Variants in SGPL1 observed in about 807,000 individuals in gnomAD.
SGPL1 encodes the protein SP-lyase 1.
Under a neutral mutation model 68.9 loss-of-function variants are expected in SGPL1, and 37 were observed. That is an observed-to-expected ratio of 0.54 (90% CI 0.41 to 0.71). The LOEUF is 0.71. Ranked by LOEUF, SGPL1 falls within the 30% of genes least tolerant of loss-of-function variation. SGPL1 has a pLI of 0.00. For missense variants in SGPL1, 551 were observed against 704.6 expected (o/e 0.78, Z 2.47); for synonymous variants, 236 against 248.5 (o/e 0.95, Z 0.47).
chr10:70,859,190 A>G (rs1402008178), intron 6 of SGPL1, among the ~76,000 whole-genome samples, 181 bp from the exon 7 acceptor site: 1 of 152,158 alleles, frequency 6.6e-6, no homozygotes, highest in Non-Finnish European at 1.5e-5. Flanking sequence ...TTGTAAAATT[A>G]TTTATTTACA....
At chr10:70,830,893 C>T (rs1018482326) in intron 2 of SGPL1, among the ~76,000 whole-genome samples, 6 of 151,992 alleles carry the variant, frequency 3.9e-5, no homozygotes, top group African/African-American at 1.5e-4. Flanking sequence ...TTATTTTACT[C>T]CAAAAGAGGA....
rs1320747243 is a variant in SGPL1 at position 70,881,110 on chromosome 10, C to T, written c.*3775C>T. On this transcript the variant is annotated 3_prime_UTR_variant, in exon 15 of 15. Transcript: ENST00000373202. ...CCTCTGTCTTGTAATCTTTTCTCTT[C>T]TTAATATCCTTCCCTATAATTTCAA... 6.6e-6 allele frequency: 1 copy of T among 151,926 alleles called. No individual in the cohort carries two copies. The highest frequency in any genetic ancestry group is 2.4e-5 in the African/African-American group (1 of 41,346). The allele number at this position is 151,926 out of a possible 1,614,324, so 9.4% of individuals were successfully genotyped here. A position where few individuals can be genotyped will look rare whatever the true frequency, so the allele number is the denominator to read the frequency against.
intron 7 of SGPL1, among the ~76,000 whole-genome samples, chr10:70,864,679 G>C (rs779093905): frequency 4.6e-5 from 7 of 151,962 alleles, no homozygotes; most frequent in African/African-American, 7.3e-5. Context: ...TTTTTATTTT[G>C]CATGCTACAT....
At position 70,844,444 on chromosome 10, in the gene SGPL1, A is replaced by G. The variant is rs376921999; in HGVS notation, c.28-29A>G. 4 of 1,597,868 alleles carry G rather than the reference A, an allele frequency of 2.5e-6. No homozygotes were observed. In the African/African-American group the frequency reaches 4.0e-5, roughly 16 times the overall value. On this transcript the variant is annotated intron_variant, in intron 2 of 14. Transcript: ENST00000373202. ...GACTTCTTTTCTCTCTCTAAATGTA[A>G]TGTTTTTATTTTTCACTTGTATTTC...
chr10:70,836,114 T>A (rs1845624450), intron 2 of SGPL1, among the ~76,000 whole-genome samples: 1 of 152,242 alleles, frequency 6.6e-6, no homozygotes, highest in Admixed American at 6.5e-5. Flanking sequence ...GGAATCTGTG[T>A]GCCTGTGGCA....
At chr10:70,816,736 G>C (rs575684332) in intron 1 of SGPL1, 75 bp from the exon 2 acceptor site, 1 of 1,005,728 alleles carries the variant, frequency 9.9e-7, no homozygotes, top group African/African-American at 1.6e-5. Flanking sequence ...TAACTTGGCT[G>C]CTCTGGCGAA....
intron 2 of SGPL1, among the ~76,000 whole-genome samples, chr10:70,840,967 G>T (rs1302480223): frequency 6.6e-6 from 1 of 152,100 alleles, no homozygotes; most frequent in East Asian, 1.9e-4. Context: ...GGGTGAATTA[G>T]GAATTAGTAT....
At position 70,879,179 on chromosome 10, in the gene SGPL1, C is replaced by T. The variant is rs937654095; in HGVS notation, c.*1844C>T. ...CTTTCCTCTGTTCCATTCCCCATCT[C>T]AGGGACTCCTGAATATTCAGCCTCT... On this transcript the variant is annotated 3_prime_UTR_variant, in exon 15 of 15. Coordinates refer to ENST00000373202, the MANE Select transcript of SGPL1 (RefSeq NM_003901.4). 3 of 152,742 alleles carry T rather than the reference C, an allele frequency of 2.0e-5. No homozygotes were observed. The highest frequency in any genetic ancestry group is 4.4e-5 in the Non-Finnish European group (3 of 68,092). 9.5% of individuals were successfully genotyped at this position (152,742 alleles called of 1,614,324 possible).
chr10:70,832,380 C>G (rs1391975378), intron 2 of SGPL1, among the ~76,000 whole-genome samples: 3 of 152,136 alleles, frequency 2.0e-5, no homozygotes, highest in African/African-American at 7.2e-5. Context: ...TTCCTCATCT[C>G]TAATAGCAGC....
At chr10:70,857,094 G>C (rs1030481914) in intron 5 of SGPL1, 1 of 156,096 alleles carries the variant, frequency 6.4e-6, no homozygotes, top group Non-Finnish European at 1.4e-5. Context: ...GGGTGCTCAT[G>C]GTTTATACCT....
intron 7 of SGPL1, chr10:70,860,266 T>C: frequency 9.9e-6 from 4 of 403,082 alleles, no homozygotes; most frequent in South Asian, 7.8e-5. Flanking sequence ...TATGCTGCAA[T>C]GGTGTCCTAG....
At chr10:70,870,152 TTTTC>T in intron 9 of SGPL1, 1 of 334,052 alleles carries the variant, frequency 3.0e-6, no homozygotes, top group South Asian at 6.2e-5. Context: ...CGCCATCACT[TTTTC>T]TTTCTTTTCT....
At chr10:70,845,461 T>C (rs1215398608) in intron 3 of SGPL1, among the ~76,000 whole-genome samples, 6 of 152,100 alleles carry the variant, frequency 3.9e-5, no homozygotes, top group African/African-American at 1.2e-4. Context: ...GTTGAACTGG[T>C]ATCAGGGGAT....
chr10:70,851,986 T>C (rs1405350844), intron 4 of SGPL1, among the ~76,000 whole-genome samples: 1 of 152,200 alleles, frequency 6.6e-6, no homozygotes, highest in Non-Finnish European at 1.5e-5. Flanking sequence ...CCCTCATCCA[T>C]GTTGAGGATA....
intron 2 of SGPL1, among the ~76,000 whole-genome samples, chr10:70,838,095 G>C (rs942430796): frequency 2.6e-5 from 4 of 152,142 alleles, no homozygotes; most frequent in Non-Finnish European, 4.4e-5. Context: ...GTTTTAGGGG[G>C]GACATTCAAA....
At position 70,871,920 on chromosome 10, in the gene SGPL1, C is replaced by T. The variant is rs757042460; in HGVS notation, c.993C>T (p.Tyr331=). ...TCGTCTTTATGGAGAAAGCAGGATA[C>T]CCACTGGAGCACCCATTTGATTTCC... ...FLIVFMEKAG[Y]PLEHPFDFRV... The change falls in exon 11 of 15, where the codon TAC becomes TAT. Residue 331 remains tyrosine, a synonymous_variant. Coordinates refer to ENST00000373202, the MANE Select transcript of SGPL1 (RefSeq NM_003901.4). 1.1e-5 allele frequency: 17 copies of T among 1,613,954 alleles called. No homozygotes were observed. Among genetic ancestry groups the T allele is most frequent in the Admixed American group, 3.3e-5 (2 of 60,002 alleles).
At chr10:70,842,135 A>C (rs543830602) in intron 2 of SGPL1, among the ~76,000 whole-genome samples, 8 of 152,272 alleles carry the variant, frequency 5.3e-5, no homozygotes, top group South Asian at 4.1e-4. Context: ...ATGGGTACAT[A>C]AAATGCACGT....
intron 2 of SGPL1, among the ~76,000 whole-genome samples, chr10:70,820,661 G>C (rs537217364): frequency 1.3e-5 from 2 of 152,016 alleles, no homozygotes; most frequent in South Asian, 4.2e-4. Context: ...TGTATTCCCG[G>C]CTATTTAGGA....
chr10:70,871,948 G>A lies in SGPL1; in HGVS notation c.1021G>A (p.Val341Met). Residue 341 changes from valine to methionine, a missense_variant, in exon 11 of 15, where the codon GTG becomes ATG. By Grantham distance (21) the Val-to-Met change is conservative. Coordinates refer to ENST00000373202, the MANE Select transcript of SGPL1 (RefSeq NM_003901.4). The stretch of plus-strand genomic sequence containing the variant: ...ACTGGAGCACCCATTTGATTTCCGG[G>A]TGAAAGGTGTAACCAGCATTTCAGC... ...YPLEHPFDFR[V>M]KGVTSISADT... is the part of the protein sequence containing the mutation. 6.2e-7 allele frequency: 1 copy of A among 1,614,150 alleles called. No homozygotes were observed. Among genetic ancestry groups the A allele is most frequent in the South Asian group, 1.1e-5 (1 of 91,078 alleles).
Sources: gnomAD v4.1 joint callset for allele counts (sites outside exome capture counted in the v4.1 genomes callset) on GRCh38, gnomAD v4.1.1 for gene constraint, MANE v1.5 for transcripts, NCBI Gene and HGNC (gene_info 2026-07-23, HGNC 2026-07-21) for gene names.